Variants in PRR16 observed in about 807,000 individuals in gnomAD.
PRR16 encodes the protein proline rich 16.
In PRR16, 6 loss-of-function variants were observed where a neutral mutation model predicts 18.2. The observed-to-expected ratio is 0.33, with a 90% confidence interval of 0.18 to 0.65. The LOEUF is 0.65. Ranked by LOEUF, PRR16 falls within the 30% of genes least tolerant of loss-of-function variation. PRR16 has a pLI of 0.74. For synonymous variants in PRR16, 151 were observed against 147.8 expected (o/e 1.02, Z -0.16); for missense variants, 412 against 376.6 (o/e 1.09, Z -0.78).
the PRR16 span, among the ~76,000 whole-genome samples, chr5:120,773,596 A>G: frequency 6.6e-6 from 1 of 152,148 alleles, no homozygotes; most frequent in Non-Finnish European, 1.5e-5. Flanking sequence ...AATTTATTCT[A>G]CATGGTCAAC....
the PRR16 span, among the ~76,000 whole-genome samples, chr5:120,759,041 A>T: frequency 1.5e-3 from 230 of 148,632 alleles, no homozygotes; most frequent in African/African-American, 5.4e-3. Flanking sequence ...CAGTGGCACA[A>T]TCTCAGCTCA....
intron 1 of PRR16, among the ~76,000 whole-genome samples, chr5:120,529,354 C>G (rs1189465413): frequency 1.3e-5 from 2 of 151,990 alleles, no homozygotes; most frequent in African/African-American, 2.4e-5. Flanking sequence ...TTTTTTCTTT[C>G]TGATAGTGTT....
chr5:120,494,162 G>A (rs1260414158), intron 1 of PRR16, among the ~76,000 whole-genome samples: 1 of 152,130 alleles, frequency 6.6e-6, no homozygotes, highest in Non-Finnish European at 1.5e-5. Context: ...CAATGTATAA[G>A]TTATCTGGTT....
rs529926112 is a variant in PRR16 at position 120,525,610 on chromosome 5, CTT to C, written c.159+60981_159+60982del. On this transcript the variant is annotated intron_variant, in intron 1 of 1. Transcript: ENST00000407149. Reference sequence around the variant, plus strand: ...TCCTTTAGTAGCAACATCAATATTGCTTTTTTTTTTTTTTTTTGTAACTCTTA... The same window carrying C: ...TCCTTTAGTAGCAACATCAATATTGCTTTTTTTTTTTTTTTGTAACTCTTA... 1.5e-3 allele frequency among the ~76,000 whole-genome samples: 190 copies of C among 129,048 alleles called. 1 individual carries two copies. The Middle Eastern group carries it at 0.024, about 16-fold the overall frequency. 84.7% of individuals were successfully genotyped at this position (129,048 alleles called of 152,430 possible). A position where few individuals can be genotyped will look rare whatever the true frequency, so the allele number is the denominator to read the frequency against.
chr5:120,719,342 G>C, the PRR16 span, among the ~76,000 whole-genome samples: 2 of 151,970 alleles, frequency 1.3e-5, no homozygotes, highest in South Asian at 2.1e-4. Context: ...TGTAATGTCA[G>C]ATAAATTGTA....
chr5:120,750,321 C>T, the PRR16 span, among the ~76,000 whole-genome samples: 1 of 152,006 alleles, frequency 6.6e-6, no homozygotes, highest in African/African-American at 2.4e-5. Flanking sequence ...TCAACCAATA[C>T]TTTTACCCCG....
intron 1 of PRR16, among the ~76,000 whole-genome samples, chr5:120,495,433 C>G (rs1443786088): frequency 2.0e-5 from 3 of 152,034 alleles, no homozygotes; most frequent in African/African-American, 7.2e-5. Flanking sequence ...TTGCATATAA[C>G]CTACACACAG....
In PRR16 at chr5:120,581,436, C is replaced by A. The variant is rs1002609274; in HGVS notation, c.160-104518C>A. 7.3e-4 allele frequency among the ~76,000 whole-genome samples: 111 copies of A among 152,038 alleles called. 1 individual carries two copies. The highest frequency in any genetic ancestry group is 2.4e-4 in the Non-Finnish European group (16 of 68,002). On this transcript the variant is annotated intron_variant, in intron 1 of 1. Coordinates refer to ENST00000407149, the MANE Select transcript of PRR16 (RefSeq NM_001300783.2). Reference sequence around the variant, plus strand: ...CTTCTTTAATAGTCTAGCTAGCAGTCTATCTATTTTGTTAATTTTTTTCAA... The same window carrying A: ...CTTCTTTAATAGTCTAGCTAGCAGTATATCTATTTTGTTAATTTTTTTCAA...
At chr5:120,585,582 C>T (rs906517015) in intron 1 of PRR16, among the ~76,000 whole-genome samples, 1 of 150,768 alleles carries the variant, frequency 6.6e-6, no homozygotes, top group South Asian at 2.1e-4. Context: ...TCGTGTCGTT[C>T]ACTCCAGCCT....
chr5:120,785,086 C>T, the PRR16 span, among the ~76,000 whole-genome samples: 1 of 152,216 alleles, frequency 6.6e-6, no homozygotes, highest in Non-Finnish European at 1.5e-5. Context: ...ACTGAACAAT[C>T]TCACATGACT....
chr5:120,784,762 T>C, the PRR16 span, among the ~76,000 whole-genome samples: 3 of 152,310 alleles, frequency 2.0e-5, no homozygotes. Flanking sequence ...CTCTCTATTA[T>C]AGCACGTTTT....
chr5:120,632,749 T>G (rs1053998773), intron 1 of PRR16, among the ~76,000 whole-genome samples: 4 of 152,180 alleles, frequency 2.6e-5, no homozygotes, highest in African/African-American at 9.6e-5. Context: ...ATTCCAAACC[T>G]AAGAATAATC....
intron 1 of PRR16, among the ~76,000 whole-genome samples, chr5:120,672,421 G>C (rs954266390): frequency 2.6e-5 from 4 of 152,002 alleles, no homozygotes; most frequent in African/African-American, 9.7e-5. Context: ...GAGCCTCCTG[G>C]TGTGGATGGC....
the PRR16 span, among the ~76,000 whole-genome samples, chr5:120,766,247 C>G: frequency 6.6e-6 from 1 of 151,948 alleles, no homozygotes; most frequent in Admixed American, 6.6e-5. Context: ...GGTTGCACTG[C>G]CTCCTTCCCA....
At chr5:120,596,064 C>A (rs1242677934) in intron 1 of PRR16, among the ~76,000 whole-genome samples, 1 of 151,430 alleles carries the variant, frequency 6.6e-6, no homozygotes, top group African/African-American at 2.4e-5. Flanking sequence ...TTATGACTTA[C>A]AATTTTATCT....
intron 1 of PRR16, among the ~76,000 whole-genome samples, chr5:120,599,635 A>G (rs1371642351): frequency 6.6e-6 from 1 of 151,854 alleles, no homozygotes; most frequent in African/African-American, 2.4e-5. Context: ...TTTGTTGCCT[A>G]GATTAGCATT....
chr5:120,564,422 C>T lies in PRR16; in HGVS notation c.159+99777C>T, dbSNP rs114027422. On this transcript the variant is annotated intron_variant, in intron 1 of 1. Coordinates refer to ENST00000407149, the MANE Select transcript of PRR16 (RefSeq NM_001300783.2). ...AGTGGCGAGGCTTCCCGTGAAACTC[C>T]GACCTTCCGACCTCTGGGATGAGCA... is the stretch of plus-strand genomic sequence containing the variant. Among the ~76,000 whole-genome samples, 797 of 152,206 alleles carry T rather than the reference C, an allele frequency of 5.2e-3. 2 individuals carry two copies. Among genetic ancestry groups the T allele is most frequent in the Non-Finnish European group, 8.8e-3 (600 of 68,006 alleles).
chr5:120,775,008 AT>A, the PRR16 span, among the ~76,000 whole-genome samples: 1 of 152,148 alleles, frequency 6.6e-6, no homozygotes, highest in Non-Finnish European at 1.5e-5. Context: ...TCTTTTAGGC[AT>A]TGTTTTTCCG....
rs1305612851 is a variant in PRR16 at position 120,686,339 on chromosome 5, C to T, written c.545C>T (p.Ala182Val). ...ATACCCAACAGTAACTTGGACAAGG[C>T]TCCAGTCCAGCTTCTGATGCATAGA... ...CCIPNSNLDK[A>V]PVQLLMHRPE... Residue 182 changes from alanine (A) to valine (V), a missense_variant, in exon 2 of 2, where the codon GCT becomes GTT. Physicochemically the swap from Ala to Val is moderately conservative, Grantham distance 64. Transcript: ENST00000407149. 1.9e-6 allele frequency: 3 copies of T among 1,614,172 alleles called. No homozygotes were observed. The highest frequency in any genetic ancestry group is 1.1e-5 in the South Asian group (1 of 91,086).
Sources: allele counts gnomAD v4.1 joint callset (sites outside exome capture counted in the v4.1 genomes callset), GRCh38; gene constraint gnomAD v4.1.1; transcripts MANE v1.5; gene names NCBI Gene and HGNC (gene_info 2026-07-23, HGNC 2026-07-21).